Variants in MTRR observed in about 807,000 individuals in gnomAD.
MTRR encodes the protein methionine synthase reductase.
MTRR carries 63 observed loss-of-function variants against 79.2 expected under a neutral mutation model. That is an observed-to-expected ratio of 0.80 (90% CI 0.65 to 0.98). The LOEUF (loss-of-function observed/expected upper bound fraction) is 0.98. MTRR is among the 50% of genes least tolerant of loss of function. MTRR has a pLI of 0.00. For missense variants in MTRR, 895 were observed against 839.6 expected (o/e 1.07, Z -0.82); for synonymous variants, 355 against 313.3 (o/e 1.13, Z -1.41).
chr5:7,866,896 A>G (rs1274449097), upstream of MTRR: 7 of 1,614,098 alleles, frequency 4.3e-6, no homozygotes, highest in Non-Finnish European at 5.9e-6. Context: ...TTTGGCAAAC[A>G]AAAGTTTCTG....
chr5:7,851,123 A>T (rs1746068252), upstream of MTRR: 30 of 1,209,194 alleles, frequency 2.5e-5, no homozygotes, highest in Non-Finnish European at 3.0e-5. Flanking sequence ...GCCAGCGTCT[A>T]GCCCGCGTCT....
intron 8 of MTRR, among the ~76,000 whole-genome samples, chr5:7,887,809 T>TGC (rs1736843067): frequency 3.7e-5 from 3 of 81,356 alleles, no homozygotes; most frequent in African/African-American, 1.6e-4. Flanking sequence ...TATATATATA[T>TGC]ATATATATAT....
chr5:7,884,696 C>T lies in MTRR; in HGVS notation c.904-1005C>T, dbSNP rs972854212. Among the ~76,000 whole-genome samples, 18 of 152,190 alleles carry T rather than the reference C, an allele frequency of 1.2e-4. 1 individual carries two copies. The highest frequency in any genetic ancestry group is 1.0e-3 in the Admixed American group (16 of 15,296). Reference sequence around the variant, plus strand: ...CTACCCTCCACACCCTGCTGGAATCCATTGACCTTAGGTTAAGAAACTGAC... The same window carrying T: ...CTACCCTCCACACCCTGCTGGAATCTATTGACCTTAGGTTAAGAAACTGAC... On this transcript the variant is annotated intron_variant, in intron 6 of 14. Transcript: ENST00000440940.
chr5:7,858,287 G>A (rs1011486705), intron 1 of MTRR, among the ~76,000 whole-genome samples: 4 of 152,170 alleles, frequency 2.6e-5, no homozygotes, highest in African/African-American at 9.7e-5. Context: ...TGTCAGGAAT[G>A]CCTGTTTTAA....
chr5:7,897,662 A>G (rs999536101), intron 14 of MTRR, among the ~76,000 whole-genome samples: 1 of 152,214 alleles, frequency 6.6e-6, no homozygotes, highest in Non-Finnish European at 1.5e-5. Flanking sequence ...TGTGGATACT[A>G]GGATTCTTTT....
At chr5:7,885,105 T>G (rs1478173960) in intron 6 of MTRR, 1 of 157,334 alleles carries the variant, frequency 6.4e-6, no homozygotes, top group East Asian at 1.9e-4. Context: ...ACTCTGGGGC[T>G]TAGAGGCAAT....
At chr5:7,894,008 G>A (rs531325270) in intron 11 of MTRR, among the ~76,000 whole-genome samples, 1 of 152,276 alleles carries the variant, frequency 6.6e-6, no homozygotes, top group South Asian at 2.1e-4. Context: ...ATTGTATAAA[G>A]ATAGCAGATG....
intron 2 of MTRR, chr5:7,862,902 C>T: frequency 1.2e-6 from 2 of 1,614,064 alleles, no homozygotes; most frequent in Non-Finnish European, 1.7e-6. Context: ...GCCCAATCTT[C>T]ACATATCTAT....
rs947503131 is a variant in MTRR, at chr5:7,857,199, T to G, written n.392-4752T>G. 2.6e-5 allele frequency among the ~76,000 whole-genome samples: 4 copies of G among 152,374 alleles called. No homozygotes were observed. In the East Asian group the frequency reaches 7.7e-4, roughly 29 times the overall value. ...CAAATATAGAAAGGTTATGCAATTA[T>G]TAAAAATATTATCAAATATATAGTT... On this transcript the variant is annotated intron_variant and non_coding_transcript_variant, in intron 1 of 3. Coordinates refer to the MTRR transcript ENST00000502509.
chr5:7,862,765 C>T, intron 2 of MTRR: 1 of 1,440,096 alleles, frequency 6.9e-7, no homozygotes, highest in Non-Finnish European at 9.6e-7. Flanking sequence ...TCCCATATAT[C>T]TCCAAAATCG....
chr5:7,896,800 T>A (rs569450643), intron 12 of MTRR, 64 bp from the exon 13 acceptor site: 6 of 1,268,976 alleles, frequency 4.7e-6, no homozygotes, highest in Non-Finnish European at 5.8e-6. Flanking sequence ...TAGTTCCTAA[T>A]GAAAGAGATT....
At chr5:7,875,401 C>T (rs201041170) in intron 4 of MTRR, 26 bp downstream of exon 4, 1 of 1,507,392 alleles carries the variant, frequency 6.6e-7, no homozygotes, top group Non-Finnish European at 9.2e-7. Flanking sequence ...TCTGTTTACT[C>T]CAATAAGCCC....
Position 7,889,243 on chromosome 5 carries a change from C to T in MTRR, c.1295C>T (p.Pro432Leu), listed in dbSNP as rs751947278. The T allele has an allele frequency of 9.3e-6, 15 of 1,612,952 alleles. No homozygotes were observed. The Admixed American group carries it at 2.0e-4, about 22-fold the overall frequency. The change falls in exon 9 of 15, where the codon CCT becomes CTT. Residue 432 changes from proline (P) to leucine (L), a missense_variant. Transcript: ENST00000440940. ...ACLLDLLLAF[P>L]SCQPPLSLLL... ...TTGTTGGATCTCCTCCTCGCTTTCCCTTCTTGCCAGCCACCACTCAGTCTC... is the reference window on the plus strand; with the variant it reads ...TTGTTGGATCTCCTCCTCGCTTTCCTTTCTTGCCAGCCACCACTCAGTCTC...
At chr5:7,857,491 A>C (rs1746282710) in intron 1 of MTRR, among the ~76,000 whole-genome samples, 1 of 152,216 alleles carries the variant, frequency 6.6e-6, no homozygotes, top group African/African-American at 2.4e-5. Context: ...TCCCTGGGCC[A>C]ACCCTGTATG....
intron 7 of MTRR, 75 bp downstream of exon 7, chr5:7,885,929 A>C: frequency 6.3e-7 from 1 of 1,597,394 alleles, no homozygotes; most frequent in East Asian, 2.2e-5. Context: ...GTGTGGCTCT[A>C]AGGTTCAGGG....
chr5:7,853,435 G>T (rs1011417730), intron 1 of MTRR, among the ~76,000 whole-genome samples: 11 of 152,260 alleles, frequency 7.2e-5, no homozygotes, highest in African/African-American at 2.6e-4. Context: ...CTTTATAGCA[G>T]CATGAGAACA....
chr5:7,874,292 A>G (rs1748484672), intron 3 of MTRR, among the ~76,000 whole-genome samples: 1 of 152,208 alleles, frequency 6.6e-6, no homozygotes, highest in South Asian at 2.1e-4. Flanking sequence ...GGATGGGTTG[A>G]GTATAATAAA....
chr5:7,886,505 A>G, intron 7 of MTRR, 110 bp from the exon 8 acceptor site: 1 of 859,044 alleles, frequency 1.2e-6, no homozygotes, highest in Non-Finnish European at 2.0e-6. Flanking sequence ...GTCATGTTGC[A>G]CTTTGATGCG....
intron 4 of MTRR, among the ~76,000 whole-genome samples, chr5:7,877,540 G>A (rs1351715450): frequency 2.0e-5 from 3 of 149,770 alleles, no homozygotes; most frequent in Admixed American, 1.3e-4. Flanking sequence ...TTGATGGATG[G>A]AATGAGCATT....
Sources: allele counts gnomAD v4.1 joint callset (sites outside exome capture counted in the v4.1 genomes callset), GRCh38; gene constraint gnomAD v4.1.1; transcripts MANE v1.5; gene names NCBI Gene and HGNC (gene_info 2026-07-23, HGNC 2026-07-21).